C1D: variants seen among roughly 807,000 people sequenced by gnomAD.
C1D encodes the protein nuclear nucleic acid-binding protein C1D.
A neutral mutation model predicts 17.5 loss-of-function variants in C1D; 10 were observed. The ratio of observed to expected loss-of-function variants is 0.57; its 90% CI spans 0.35 to 0.97. The LOEUF (loss-of-function observed/expected upper bound fraction) is 0.97. Ranked by LOEUF, C1D falls within the 50% of genes least tolerant of loss-of-function variation. C1D has a pLI of 0.01. For synonymous variants in C1D, 49 were observed against 54.0 expected, an observed-to-expected ratio of 0.91 and a Z score of 0.40; for missense variants, 136 against 160.1, an observed-to-expected ratio of 0.85 and a Z score of 0.81.
At position 68,046,389 on chromosome 2, in the gene C1D, T is replaced by C. The variant is rs1671121855; in HGVS notation, c.160A>G (p.Lys54Glu). The C allele has an allele frequency of 2.5e-6, 4 of 1,611,902 alleles. No homozygotes were observed. Among genetic ancestry groups the C allele is most frequent in the Non-Finnish European group, 3.4e-6 (4 of 1,178,624 alleles). The change falls in exon 3 of 5, where the codon AAA (lysine) becomes GAA (glutamate). Residue 54 changes from lysine to glutamate, a missense_variant. Physicochemically the swap from Lys to Glu is moderately conservative, Grantham distance 56 (BLOSUM62 1). Transcript: ENST00000410067. Reference protein sequence around the residue: ...LQKLDPLEQAKVDLVSAYTLN... With the variant: ...LQKLDPLEQAEVDLVSAYTLN... ...GTGTATGCAGAAACCAAATCCACTT[T>C]TGCTTGTTCAAGTGGATCCAACTGT...
rs372901512 is a variant in C1D, at chr2:68,057,148, C to CTATT, written c.-10+5806_-10+5809dup. Among the ~76,000 whole-genome samples, 1,039 of 151,996 alleles carry CTATT rather than the reference C, an allele frequency of 6.8e-3. 6 individuals are homozygous for CTATT. Among genetic ancestry groups the CTATT allele is most frequent in the African/African-American group, 0.023 (959 of 41,452 alleles). ...TGAAGAACAGCATGTATAATACATCCTATTTATTTATTTATTTATTTGAGT... is the reference window on the plus strand; with the variant it reads ...TGAAGAACAGCATGTATAATACATCCTATTTATTTATTTATTTATTTATTTGAGT... On this transcript the variant is annotated intron_variant, in intron 1 of 4. Coordinates refer to ENST00000410067, the MANE Select transcript of C1D (RefSeq NM_173177.3).
At chr2:68,046,719 G>C (rs10496160) in intron 2 of C1D, among the ~76,000 whole-genome samples, 17,072 of 152,148 alleles carry the variant, frequency 0.11, 1,053 homozygotes, top group South Asian at 0.2. Flanking sequence ...TCTGGGCTTT[G>C]TAAGTCAAAA....
At chr2:68,059,947 T>C (rs1408038096) in intron 1 of C1D, among the ~76,000 whole-genome samples, 1 of 152,172 alleles carries the variant, frequency 6.6e-6, no homozygotes, top group Non-Finnish European at 1.5e-5. Context: ...AGAATGAACA[T>C]ATTCAACTGC....
chr2:68,054,361 T>A (rs568068817), intron 1 of C1D, among the ~76,000 whole-genome samples: 13 of 152,076 alleles, frequency 8.5e-5, no homozygotes, highest in African/African-American at 3.1e-4. Flanking sequence ...ATTAAGAGAG[T>A]TATGGCAAGA....
At chr2:68,054,883 T>C (rs1197829586) in intron 1 of C1D, among the ~76,000 whole-genome samples, 3 of 151,864 alleles carry the variant, frequency 2.0e-5, no homozygotes, top group Admixed American at 6.6e-5. Flanking sequence ...AGAGAATCAC[T>C]TGAGTCTAGG....
At chr2:68,045,012 T>C (rs1025718593) in intron 4 of C1D, among the ~76,000 whole-genome samples, 2 of 152,194 alleles carry the variant, frequency 1.3e-5, no homozygotes. Flanking sequence ...TCATATTGCT[T>C]TATACTTTTG....
At chr2:68,045,890 C>G (rs1333708148) in intron 4 of C1D, 98 bp downstream of exon 4, 2 of 826,924 alleles carry the variant, frequency 2.4e-6, no homozygotes, top group Non-Finnish European at 1.9e-6. Context: ...AATTTCAACT[C>G]GAATTCTGTT....
chr2:68,054,128 C>G (rs1482143372), intron 1 of C1D, among the ~76,000 whole-genome samples: 2 of 152,164 alleles, frequency 1.3e-5, no homozygotes, highest in African/African-American at 4.8e-5. Flanking sequence ...CAAGACAGTT[C>G]CACCTTACGC....
At chr2:68,046,565 G>C in intron 2 of C1D, 155 bp from the exon 3 acceptor site, 1 of 532,928 alleles carries the variant, frequency 1.9e-6, no homozygotes, top group Non-Finnish European at 3.3e-6. Flanking sequence ...CAAATGATCT[G>C]AAAATAATTT....
chr2:68,046,463 TAC>T, intron 2 of C1D, 53 bp from the exon 3 acceptor site: 2 of 1,283,780 alleles, frequency 1.6e-6, no homozygotes, highest in South Asian at 2.5e-5. Context: ...AGAAAAAAAA[TAC>T]ACAAACTTTG....
intron 1 of C1D, among the ~76,000 whole-genome samples, chr2:68,048,255 T>C (rs1475257510): frequency 3.3e-5 from 5 of 152,206 alleles, no homozygotes; most frequent in Non-Finnish European, 5.9e-5. Context: ...TTCCAAGCCA[T>C]AGGTAACATC....
At position 68,043,786 on chromosome 2, in the gene C1D, G is replaced by T. The variant is rs200818939; in HGVS notation, c.262-733C>A. Among the ~76,000 whole-genome samples, 26 of 152,254 alleles carry T rather than the reference G, an allele frequency of 1.7e-4. No individual in the cohort carries two copies. The East Asian group carries it at 4.6e-3, about 27-fold the overall frequency. On this transcript the variant is annotated intron_variant, in intron 4 of 4. Coordinates refer to ENST00000410067, the MANE Select transcript of C1D (RefSeq NM_173177.3). ...AAGACTGATCACTGCTTAAAAACAA[G>T]CTTTATTAAAATAATCAACATAGTT...
At chr2:68,050,059 G>C (rs911856163) in intron 1 of C1D, among the ~76,000 whole-genome samples, 6 of 152,176 alleles carry the variant, frequency 3.9e-5, no homozygotes, top group African/African-American at 1.4e-4. Context: ...GTGTTAGAAA[G>C]GGTATACACT....
At chr2:68,050,690 T>G in intron 1 of C1D, among the ~76,000 whole-genome samples, 1 of 152,184 alleles carries the variant, frequency 6.6e-6, no homozygotes, top group East Asian at 1.9e-4. Flanking sequence ...TCTTCTCTAA[T>G]TTACTCCCAG....
chr2:68,060,872 T>C (rs1671609657), intron 1 of C1D, among the ~76,000 whole-genome samples: 1 of 152,164 alleles, frequency 6.6e-6, no homozygotes, highest in African/African-American at 2.4e-5. Context: ...ATCACTAACA[T>C]AATGTCTTGT....
intron 1 of C1D, among the ~76,000 whole-genome samples, chr2:68,050,799 G>A (rs533630565): frequency 6.6e-6 from 1 of 152,254 alleles, no homozygotes; most frequent in African/African-American, 2.4e-5. Flanking sequence ...TACATTTCCA[G>A]CTGCATACTC....
intron 1 of C1D, among the ~76,000 whole-genome samples, chr2:68,056,250 G>C (rs1361639247): frequency 6.6e-6 from 1 of 151,970 alleles, no homozygotes; most frequent in Non-Finnish European, 1.5e-5. Flanking sequence ...TTACAGGTGC[G>C]TGCCACCATG....
chr2:68,054,024 C>T (rs971953607), intron 1 of C1D, among the ~76,000 whole-genome samples: 1 of 152,166 alleles, frequency 6.6e-6, no homozygotes, highest in African/African-American at 2.4e-5. Flanking sequence ...TACTTGACTT[C>T]TCCTTTGACT....
At chr2:68,055,615 T>G (rs1435654999) in intron 1 of C1D, among the ~76,000 whole-genome samples, 1 of 152,118 alleles carries the variant, frequency 6.6e-6, no homozygotes, top group Non-Finnish European at 1.5e-5. Flanking sequence ...GAGAAAGAAA[T>G]CTGAACATGG....
Sources: allele counts gnomAD v4.1 joint callset (sites outside exome capture counted in the v4.1 genomes callset), GRCh38; gene constraint gnomAD v4.1.1; transcripts MANE v1.5; gene names NCBI Gene and HGNC (gene_info 2026-07-23, HGNC 2026-07-21).